CSRP1: variants seen among roughly 807,000 people sequenced by gnomAD.
CSRP1 encodes cysteine and glycine rich protein 1.
A neutral mutation model predicts 25.4 loss-of-function variants in CSRP1; 16 were observed. The observed-to-expected ratio is 0.63, with a 90% CI of 0.43 to 0.96. The LOEUF is 0.96. CSRP1 is among the 40% of genes least tolerant of loss of function. CSRP1 has a pLI of 0.00. For missense variants in CSRP1, 212 were observed against 243.6 expected, an observed-to-expected ratio of 0.87 and a Z score of 0.86; for synonymous variants, 97 against 95.3, an observed-to-expected ratio of 1.02 and a Z score of -0.10.
chr1:201,486,645 G>C, intron 4 of CSRP1: 1 of 1,036,736 alleles, frequency 9.6e-7, no homozygotes, highest in Non-Finnish European at 1.2e-6. Context: ...ATCACACCTA[G>C]ACCAACACCT....
At chr1:201,498,228 C>A (rs561117293) in intron 1 of CSRP1, among the ~76,000 whole-genome samples, 1 of 152,324 alleles carries the variant, frequency 6.6e-6, no homozygotes, top group East Asian at 1.9e-4. Context: ...CCTTCCATTT[C>A]ACTCGCTCAC....
chr1:201,505,400 G>C (rs1393969099), intron 1 of CSRP1, among the ~76,000 whole-genome samples: 3 of 152,200 alleles, frequency 2.0e-5, no homozygotes, highest in African/African-American at 7.2e-5. Context: ...AGGAAGGCAG[G>C]TGCTAAGACA....
intron 4 of CSRP1, 113 bp downstream of exon 4, chr1:201,488,742 C>T (rs1024268764): frequency 7.7e-5 from 100 of 1,295,050 alleles, no homozygotes; most frequent in Non-Finnish European, 1.0e-4. Context: ...GAGGTTAAAC[C>T]CCAGTGCTCA....
At chr1:201,490,134 A>G in intron 3 of CSRP1, 42 bp downstream of exon 3, 2 of 1,585,340 alleles carry the variant, frequency 1.3e-6, no homozygotes, top group Non-Finnish European at 1.7e-6. Context: ...AGGGTGGGGG[A>G]GAGAGCTCAA....
intron 4 of CSRP1, chr1:201,486,647 C>A (rs1361179502): frequency 9.6e-7 from 1 of 1,037,374 alleles, no homozygotes; most frequent in Non-Finnish European, 1.2e-6. Context: ...CACACCTAGA[C>A]CAACACCTCT....
intron 1 of CSRP1, among the ~76,000 whole-genome samples, chr1:201,506,038 T>A (rs1664813978): frequency 6.6e-6 from 1 of 152,190 alleles, no homozygotes; most frequent in Non-Finnish European, 1.5e-5. Flanking sequence ...TGAAAGAAAC[T>A]GAGACATTGA....
At chr1:201,498,895 G>T (rs1664586847) in intron 1 of CSRP1, among the ~76,000 whole-genome samples, 1 of 152,184 alleles carries the variant, frequency 6.6e-6, no homozygotes, top group South Asian at 2.1e-4. Context: ...GATGCTGGGG[G>T]ATCTAGGTAG....
intron 1 of CSRP1, among the ~76,000 whole-genome samples, chr1:201,502,709 T>C (rs1435599287): frequency 6.6e-6 from 1 of 152,206 alleles, no homozygotes; most frequent in African/African-American, 2.4e-5. Flanking sequence ...TTCTCTCTAT[T>C]GAATGAGCTT....
intron 1 of CSRP1, among the ~76,000 whole-genome samples, chr1:201,501,051 T>A (rs1448547052): frequency 6.6e-6 from 1 of 152,218 alleles, no homozygotes; most frequent in African/African-American, 2.4e-5. Context: ...GCAAGTTACT[T>A]TCCTTTCTGA....
At chr1:201,488,772 A>C in intron 4 of CSRP1, 83 bp downstream of exon 4, 1 of 1,530,544 alleles carries the variant, frequency 6.5e-7, no homozygotes, top group Non-Finnish European at 8.9e-7. Flanking sequence ...GAGCAGAGCT[A>C]GGTCACCAAT....
intron 1 of CSRP1, among the ~76,000 whole-genome samples, chr1:201,499,372 A>G (rs1290140852): frequency 6.6e-6 from 1 of 152,192 alleles, no homozygotes; most frequent in East Asian, 1.9e-4. Flanking sequence ...CCAACCATGG[A>G]GATTCCATTC....
At chr1:201,496,380 C>A in intron 1 of CSRP1, 76 bp from the exon 2 acceptor site, 1 of 1,214,096 alleles carries the variant, frequency 8.2e-7, no homozygotes, top group South Asian at 1.2e-5. Context: ...GACAGAAATG[C>A]AACAGCCAGA....
rs759789520 is a variant in CSRP1, at chr1:201,488,961, G to A, written c.305C>T (p.Thr102Ile). 1.1e-5 allele frequency: 17 copies of A among 1,614,010 alleles called. No homozygotes were observed. In the South Asian group the frequency reaches 1.9e-4, roughly 18 times the overall value. Reference protein sequence around the residue: ...HEEAPGHRPTTNPNASKFAQK... With the variant: ...HEEAPGHRPTINPNASKFAQK... ...GGCAAATTTGGATGCATTGGGGTTG[G>A]TGGTGGGCCTGTGGCCAGGGGCTCT... The change falls in exon 4 of 6, where the codon ACC becomes ATC. Residue 102 changes from threonine to isoleucine, a missense_variant. Physicochemically the swap from Thr to Ile is moderately conservative, Grantham distance 89 (BLOSUM62 -1). Transcript: ENST00000340006.
At chr1:201,486,630 A>G in intron 4 of CSRP1, 2 of 1,007,516 alleles carry the variant, frequency 2.0e-6, no homozygotes, top group Non-Finnish European at 2.4e-6. Flanking sequence ...CTGGAGAAAA[A>G]CTGAATCACA....
chr1:201,496,890 T>A (rs1664530196), intron 1 of CSRP1, among the ~76,000 whole-genome samples: 1 of 152,196 alleles, frequency 6.6e-6, no homozygotes, highest in Non-Finnish European at 1.5e-5. Context: ...CCAGGGAGGC[T>A]GGTAAGGCAC....
chr1:201,484,132 G>A lies in CSRP1; in HGVS notation c.*581C>T, dbSNP rs1664057203. ...TTCCACAAAGACTCAAAGGCAAGAG[G>A]CCTGGAGAAGCAGGGGCTCCTAGGA... On this transcript the variant is annotated 3_prime_UTR_variant, in exon 6 of 6. Coordinates refer to ENST00000340006, the MANE Select transcript of CSRP1 (RefSeq NM_004078.3). 1.8e-5 allele frequency: 12 copies of A among 654,248 alleles called. No homozygotes were observed. In the East Asian group the frequency reaches 3.3e-4, roughly 18 times the overall value. 40.5% of individuals were successfully genotyped at this position (654,248 alleles called of 1,614,324 possible). A position where few individuals can be genotyped will look rare whatever the true frequency, so the allele number is the denominator to read the frequency against.
At chr1:201,488,774 G>A (rs1014056502) in intron 4 of CSRP1, 81 bp downstream of exon 4, 62 of 1,550,624 alleles carry the variant, frequency 4.0e-5, no homozygotes, top group Non-Finnish European at 5.5e-5. Flanking sequence ...GCAGAGCTAG[G>A]TCACCAATTT....
At chr1:201,505,809 G>A (rs943901435) in intron 1 of CSRP1, among the ~76,000 whole-genome samples, 2 of 152,214 alleles carry the variant, frequency 1.3e-5, no homozygotes, top group Non-Finnish European at 1.5e-5. Flanking sequence ...GCAGTTGAGT[G>A]AGAGCAGTTG....
At chr1:201,500,974 G>A (rs1266510732) in intron 1 of CSRP1, among the ~76,000 whole-genome samples, 5 of 152,210 alleles carry the variant, frequency 3.3e-5, no homozygotes, top group African/African-American at 1.2e-4. Context: ...ACAGGTCAAT[G>A]GTTAGGAAAA....
Sources: gnomAD v4.1 joint callset for allele counts (sites outside exome capture counted in the v4.1 genomes callset) on GRCh38, gnomAD v4.1.1 for gene constraint, MANE v1.5 for transcripts, NCBI Gene and HGNC (gene_info 2026-07-23, HGNC 2026-07-21) for gene names.